PTPRJ: variants seen among roughly 807,000 people sequenced by gnomAD.
PTPRJ encodes the protein protein tyrosine phosphatase receptor type J.
PTPRJ carries 129 observed loss-of-function variants against 141.3 expected under a neutral mutation model. The ratio of observed to expected loss-of-function variants is 0.91; its 90% CI spans 0.79 to 1.06. The LOEUF (loss-of-function observed/expected upper bound fraction) is 1.06, where lower values mean the gene tolerates loss of function less well. Ranked by LOEUF, PTPRJ falls within the 50% of genes least tolerant of loss-of-function variation. PTPRJ has a pLI of 0.00. For missense variants in PTPRJ, 1,601 were observed against 1,679.7 expected (o/e 0.95, Z 0.82); for synonymous variants, 610 against 640.5 (o/e 0.95, Z 0.72).
intron 1 of PTPRJ, among the ~76,000 whole-genome samples, chr11:48,029,661 G>C (rs1281359591): frequency 6.6e-6 from 1 of 151,992 alleles, no homozygotes; most frequent in African/African-American, 2.4e-5. Context: ...CTTCTTTTTT[G>C]TATATCCAGG....
chr11:47,996,150 G>A (rs1330401516), intron 1 of PTPRJ, among the ~76,000 whole-genome samples: 3 of 151,582 alleles, frequency 2.0e-5, no homozygotes, highest in African/African-American at 7.3e-5. Context: ...TGGCTAACAC[G>A]GTGAAACCCC....
intron 1 of PTPRJ, among the ~76,000 whole-genome samples, chr11:48,039,464 GGTGT>G (rs67338648): frequency 0.024 from 3,562 of 146,046 alleles, 59 homozygotes; most frequent in East Asian, 0.095. Context: ...ACAACACTAT[GGTGT>G]GTGTGTGTGT....
chr11:48,070,090 G>T (rs1027073151), intron 1 of PTPRJ, among the ~76,000 whole-genome samples: 1 of 152,168 alleles, frequency 6.6e-6, no homozygotes, highest in Non-Finnish European at 1.5e-5. Context: ...TGGTCCTTTT[G>T]TGGTTGAAAA....
intron 1 of PTPRJ, among the ~76,000 whole-genome samples, chr11:48,081,121 G>A (rs1855547083): frequency 6.6e-6 from 1 of 152,224 alleles, no homozygotes; most frequent in East Asian, 1.9e-4. Context: ...TTCTGATGCG[G>A]GTGGTCTGCA....
chr11:48,023,072 T>G (rs1244942656), intron 1 of PTPRJ, among the ~76,000 whole-genome samples: 1 of 152,152 alleles, frequency 6.6e-6, no homozygotes, highest in Non-Finnish European at 1.5e-5. Flanking sequence ...GAGGTACAAA[T>G]GGCTTCGTGT....
At chr11:48,055,361 T>C (rs1394335239) in intron 1 of PTPRJ, among the ~76,000 whole-genome samples, 1 of 152,204 alleles carries the variant, frequency 6.6e-6, no homozygotes, top group Non-Finnish European at 1.5e-5. Context: ...TGGGAACTTT[T>C]GATGCAACAG....
intron 1 of PTPRJ, among the ~76,000 whole-genome samples, chr11:48,030,138 C>G (rs184220978): frequency 6.3e-4 from 96 of 152,196 alleles, no homozygotes; most frequent in African/African-American, 2.1e-3. Context: ...GATGTTTTGT[C>G]TTTTATGGAG....
chr11:48,021,376 AAAATAAAT>A (rs71457241), intron 1 of PTPRJ, among the ~76,000 whole-genome samples: 2,991 of 136,498 alleles, frequency 0.022, 95 homozygotes, highest in East Asian at 0.15. Flanking sequence ...CTCCGTCCCT[AAAATAAAT>A]AAATAAATAA....
At chr11:48,164,306 T>C in intron 23 of PTPRJ, 74 bp from the exon 24 acceptor site, 3 of 1,562,984 alleles carry the variant, frequency 1.9e-6, no homozygotes, top group Non-Finnish European at 1.7e-6. Context: ...AAGATATATG[T>C]ACAAATGAGG....
intron 8 of PTPRJ, among the ~76,000 whole-genome samples, 171 bp downstream of exon 8, chr11:48,130,887 T>G (rs1856961001): frequency 6.6e-6 from 1 of 151,550 alleles, no homozygotes; most frequent in East Asian, 1.9e-4. Flanking sequence ...GACAAGTAAG[T>G]AGAAAAAACT....
chr11:48,020,113 G>C (rs1057501541), intron 1 of PTPRJ, among the ~76,000 whole-genome samples: 8 of 152,128 alleles, frequency 5.3e-5, no homozygotes, highest in African/African-American at 1.9e-4. Flanking sequence ...AGATCCTGGC[G>C]AGGCTGTAAT....
At chr11:48,143,343 A>G (rs1186367733) in intron 12 of PTPRJ, among the ~76,000 whole-genome samples, 3 of 152,252 alleles carry the variant, frequency 2.0e-5, no homozygotes, top group Non-Finnish European at 4.4e-5. Flanking sequence ...TACAGAAGGA[A>G]TGAGTGGGAC....
At chr11:48,017,726 G>T (rs1462951084) in intron 1 of PTPRJ, among the ~76,000 whole-genome samples, 1 of 152,202 alleles carries the variant, frequency 6.6e-6, no homozygotes, top group Non-Finnish European at 1.5e-5. Flanking sequence ...TGTAGGACAG[G>T]GAAAGCACCT....
At chr11:48,108,719 A>G (rs1351626902) in intron 1 of PTPRJ, among the ~76,000 whole-genome samples, 1 of 152,184 alleles carries the variant, frequency 6.6e-6, no homozygotes, top group African/African-American at 2.4e-5. Context: ...ATTGAGGCTC[A>G]GCCTAGATTA....
At chr11:48,129,787 T>G (rs1166007853) in intron 7 of PTPRJ, among the ~76,000 whole-genome samples, 1 of 151,780 alleles carries the variant, frequency 6.6e-6, no homozygotes, top group Non-Finnish European at 1.5e-5. Flanking sequence ...ACCGCTGAGG[T>G]TTTGGTTCTA....
At position 48,130,472 on chromosome 11, in the gene PTPRJ, T is replaced by C; in HGVS notation, c.1371T>C (p.Val457=). ...TTCTTTGCATAGCCCCTGTTCCAGT[T>C]TCTGACTTCCGAGTGACAGTGGTCA... ...FLQVHTPPVP[V]SDFRVTVVST... is the part of the protein sequence containing the mutation. The change falls in exon 8 of 25, where the codon GTT becomes GTC. Residue 457 remains valine (V), a synonymous_variant. Coordinates refer to ENST00000418331, the MANE Select transcript of PTPRJ (RefSeq NM_002843.4). 6.2e-7 allele frequency: 1 copy of C among 1,611,606 alleles called. No homozygotes were observed. The highest frequency in any genetic ancestry group is 1.1e-5 in the South Asian group (1 of 90,848).
intron 22 of PTPRJ, 65 bp downstream of exon 22, chr11:48,160,114 G>C: frequency 6.4e-7 from 1 of 1,574,528 alleles, no homozygotes; most frequent in Non-Finnish European, 8.7e-7. Flanking sequence ...GGGGTGATAT[G>C]TTTTAGGTTG....
At chr11:48,142,843 G>A in intron 11 of PTPRJ, 76 bp from the exon 12 acceptor site, 1 of 1,491,326 alleles carries the variant, frequency 6.7e-7, no homozygotes. Flanking sequence ...GGAGGTTGCT[G>A]AAGCATGTTC....
rs567408289 is a variant in PTPRJ, at chr11:47,984,684, G to A, written c.96+3676G>A. ...AGTGATTCTCTTACCTCAGCCTCCC[G>A]AGTAGCTGGGATTACAGGCGTATGC... On this transcript the variant is annotated intron_variant, in intron 1 of 24. Coordinates refer to ENST00000418331, the MANE Select transcript of PTPRJ (RefSeq NM_002843.4). Among the ~76,000 whole-genome samples, 33 of 149,494 alleles carry A rather than the reference G, an allele frequency of 2.2e-4. No homozygotes were observed. The South Asian group carries it at 6.8e-3, about 31-fold the overall frequency.
Sources: gnomAD v4.1 joint callset for allele counts (sites outside exome capture counted in the v4.1 genomes callset) on GRCh38, gnomAD v4.1.1 for gene constraint, MANE v1.5 for transcripts, NCBI Gene and HGNC (gene_info 2026-07-23, HGNC 2026-07-21) for gene names.